The following TPH1 variants were observed in gnomAD, a reference collection of about 807,000 sequenced individuals.
TPH1 encodes tryptophan 5-hydroxylase 1.
A neutral mutation model predicts 49.5 loss-of-function variants in TPH1; 37 were observed. That is an observed-to-expected ratio of 0.75 (90% CI 0.58 to 0.98). TPH1 has a LOEUF of 0.98. Ranked by LOEUF, TPH1 falls within the 50% of genes least tolerant of loss-of-function variation. The pLI is 0.00. For missense variants in TPH1, 487 were observed against 523.6 expected, an observed-to-expected ratio of 0.93 and a Z score of 0.68; for synonymous variants, 160 against 182.1, an observed-to-expected ratio of 0.88 and a Z score of 0.98.
chr11:18,029,043 G>A (rs968691319), intron 6 of TPH1, 122 bp downstream of exon 6: 3 of 679,128 alleles, frequency 4.4e-6, no homozygotes, highest in Non-Finnish European at 7.2e-6. Context: ...TGGCATCACT[G>A]TACTCCAGCC....
At position 18,020,850 on chromosome 11, in the gene TPH1, AGTG is replaced by A. The variant is rs1215333244; in HGVS notation, c.*138_*140del. The A allele has an allele frequency of 1.3e-5, 10 of 772,076 alleles. No individual in the cohort carries two copies. The African/African-American group carries it at 1.7e-4, about 13-fold the overall frequency. The allele number at this position is 772,076 out of a possible 1,614,324, so 47.8% of individuals were successfully genotyped here. On this transcript the variant is annotated 3_prime_UTR_variant, in exon 11 of 11. Transcript: ENST00000682019. Reference sequence around the variant, plus strand: ...ATCCAGGTACAAATTTTCAAAGACTAGTGATTCCTTAAGTAGTGGAATTCGATA... The same window carrying A: ...ATCCAGGTACAAATTTTCAAAGACTAATTCCTTAAGTAGTGGAATTCGATA...
At chr11:18,026,951 A>C (rs184352400) in intron 6 of TPH1, among the ~76,000 whole-genome samples, 95 of 152,350 alleles carry the variant, frequency 6.2e-4, no homozygotes, top group African/African-American at 2.2e-3. Flanking sequence ...GGCAGAATGA[A>C]AACTCAGATT....
At position 18,040,755 on chromosome 11, in the gene TPH1, T is replaced by C. The variant is rs150275141; in HGVS notation, c.8A>G (p.Glu3Gly). ...ATGGTCTTTGTTCTCCTTATTGTCT[T>C]CAATCATGATGAATTTGGAGTAATT... MI[E>G]DNKENKDHSL... Residue 3 changes from glutamate (E) to glycine (G), a missense_variant, in exon 2 of 11, where the codon GAA (glutamate) becomes GGA (glycine). Physicochemically the swap from Glu to Gly is moderately conservative, Grantham distance 98 (BLOSUM62 -2). Transcript: ENST00000682019. 1.3e-4 allele frequency: 209 copies of C among 1,611,972 alleles called. No homozygotes were observed. Among genetic ancestry groups the C allele is most frequent in the Non-Finnish European group, 1.7e-4 (201 of 1,179,030 alleles).
At chr11:18,028,819 CT>C (rs1308311314) in intron 6 of TPH1, among the ~76,000 whole-genome samples, 1 of 152,096 alleles carries the variant, frequency 6.6e-6, no homozygotes, top group Non-Finnish European at 1.5e-5. Flanking sequence ...AATTCCAGCA[CT>C]TTGGGAGGCT....
intron 1 of TPH1, among the ~76,000 whole-genome samples, chr11:18,044,702 CT>C (rs1220921695): frequency 7.3e-5 from 11 of 151,710 alleles, no homozygotes; most frequent in Admixed American, 7.2e-4. Flanking sequence ...TGCCTTGTTA[CT>C]TTTTCCTTTC....
At position 18,026,521 on chromosome 11, in the gene TPH1, G is replaced by C; in HGVS notation, c.772C>G (p.His258Asp). Residue 258 changes from histidine (H) to aspartate (D), a missense_variant, in exon 7 of 11, where the codon CAC (histidine) becomes GAC (aspartate). His to Asp is a moderately conservative substitution (Grantham distance 81, BLOSUM62 -1). Transcript: ENST00000682019. ...GGGGTATAGAAGGGATCTGAACTGT[G>C]TCTCACATATTGAGTGCAGTGAAAA... ...RVFHCTQYVRHSSDPFYTPEP... is the reference protein window; with the variant it reads ...RVFHCTQYVRDSSDPFYTPEP... The C allele has an allele frequency of 6.2e-7, 1 of 1,612,876 alleles. No homozygotes were observed. The highest frequency in any genetic ancestry group is 1.7e-5 in the Admixed American group (1 of 59,920).
intron 1 of TPH1, among the ~76,000 whole-genome samples, chr11:18,044,587 G>A (rs994872274): frequency 6.0e-5 from 9 of 150,298 alleles, no homozygotes; most frequent in African/African-American, 2.0e-4. Flanking sequence ...ATCTTTGATC[G>A]TTACTAAAAC....
Position 18,022,805 on chromosome 11 carries a change from T to C in TPH1, c.1153A>G (p.Lys385Glu). The change falls in exon 10 of 11, where the codon AAG (lysine) becomes GAG (glutamate). Residue 385 changes from lysine to glutamate, a missense_variant. By Grantham distance (56) the Lys-to-Glu change is moderately conservative (BLOSUM62 1). Transcript: ENST00000682019. ...VSESFEDAKE[K>E]MREFTKTIKR... The stretch of plus-strand genomic sequence containing the variant: ...GAAGAAGATATACTGTACCTCATCT[T>C]CTCCTTTGCATCTTCAAAACTTTCA... The C allele has an allele frequency of 6.2e-7, 1 of 1,613,174 alleles. No individual in the cohort carries two copies. Among genetic ancestry groups the C allele is most frequent in the African/African-American group, 1.3e-5 (1 of 75,024 alleles).
chr11:18,022,070 T>TC (rs1343022501), intron 10 of TPH1, among the ~76,000 whole-genome samples: 1 of 152,176 alleles, frequency 6.6e-6, no homozygotes, highest in Admixed American at 6.5e-5. Flanking sequence ...CCCCTATCGA[T>TC]CTCCATCATC....
At chr11:18,022,689 G>T in intron 10 of TPH1, 109 bp downstream of exon 10, 6 of 1,169,996 alleles carry the variant, frequency 5.1e-6, no homozygotes, top group Non-Finnish European at 7.5e-6. Context: ...CAGACAGAAG[G>T]CTCCTTGTGG....
At chr11:18,031,010 G>C (rs1161691314) in intron 4 of TPH1, among the ~76,000 whole-genome samples, 1 of 152,122 alleles carries the variant, frequency 6.6e-6, no homozygotes, top group Non-Finnish European at 1.5e-5. Flanking sequence ...TAACCATTCA[G>C]TGGTTTTTAG....
Position 18,021,012 on chromosome 11 carries a change from G to T in TPH1, c.1314C>A (p.Val438=). The part of the protein sequence containing the change: ...LDVVSDALAK[V]SRKPSI ...ACTGTTAGATACTCGGCTTCCTGCT[G>T]ACCTTAGCAAGGGCATCACTGACAA... The change falls in exon 11 of 11, where the codon GTC becomes GTA. Residue 438 remains valine (V), a synonymous_variant. Transcript: ENST00000682019. 1 of 1,613,946 alleles carries T rather than the reference G, an allele frequency of 6.2e-7. No homozygotes were observed. Among genetic ancestry groups the T allele is most frequent in the South Asian group, 1.1e-5 (1 of 91,028 alleles).
chr11:18,040,539 G>T, intron 2 of TPH1, 107 bp downstream of exon 2: 2 of 1,127,756 alleles, frequency 1.8e-6, no homozygotes, highest in Non-Finnish European at 2.5e-6. Context: ...AGCTAAATTT[G>T]TTTTTTTTTA....
In TPH1 at chr11:18,020,996, T is replaced by C; in HGVS notation, c.1330A>G (p.Ile444Val). ...TCCTGGATGACTGGCTACTGTTAGA[T>C]ACTCGGCTTCCTGCTGACCTTAGCA... Reference protein sequence around the residue: ...ALAKVSRKPSI With the variant: ...ALAKVSRKPSV Residue 444 changes from isoleucine (I) to valine (V), a missense_variant, in exon 11 of 11, where the codon ATC becomes GTC. Transcript: ENST00000682019. The C allele has an allele frequency of 6.2e-7, 1 of 1,613,994 alleles. No homozygotes were observed. The highest frequency in any genetic ancestry group is 8.5e-7 in the Non-Finnish European group (1 of 1,179,914).
chr11:18,040,873 CT>C, intron 1 of TPH1, 85 bp from the exon 2 acceptor site: 1 of 1,281,790 alleles, frequency 7.8e-7, no homozygotes, highest in South Asian at 1.3e-5. Flanking sequence ...TCATTTACTT[CT>C]AGGAGCTTCA....
At chr11:18,039,880 C>T (rs1432844731) in intron 2 of TPH1, among the ~76,000 whole-genome samples, 1 of 151,934 alleles carries the variant, frequency 6.6e-6, no homozygotes, top group African/African-American at 2.4e-5. Context: ...CATTTTAAGG[C>T]TCATAATACA....
chr11:18,025,746 C>A, intron 7 of TPH1, 45 bp from the exon 8 acceptor site: 1 of 1,610,460 alleles, frequency 6.2e-7, no homozygotes, highest in Non-Finnish European at 8.5e-7. Context: ...GCTTAACATA[C>A]GTTTATAATC....
chr11:18,037,373 A>G (rs201589812), intron 2 of TPH1, among the ~76,000 whole-genome samples: 1 of 151,748 alleles, frequency 6.6e-6, no homozygotes, highest in Non-Finnish European at 1.5e-5. Flanking sequence ...AAAAAAAAAA[A>G]ATATTATCAG....
intron 4 of TPH1, among the ~76,000 whole-genome samples, chr11:18,029,891 G>A (rs1243376784): frequency 6.6e-6 from 1 of 152,010 alleles, no homozygotes; most frequent in Non-Finnish European, 1.5e-5. Flanking sequence ...CTTTTCCAAG[G>A]GTGAGGGGTT....
Sources: allele counts gnomAD v4.1 joint callset (sites outside exome capture counted in the v4.1 genomes callset), GRCh38; gene constraint gnomAD v4.1.1; transcripts MANE v1.5; gene names NCBI Gene and HGNC (gene_info 2026-07-23, HGNC 2026-07-21).